The following FRMD4B variants were observed in gnomAD, a reference collection of about 807,000 sequenced individuals.
The protein encoded by FRMD4B is FERM domain-containing protein 4B.
Under a neutral mutation model 141.5 loss-of-function variants are expected in FRMD4B, and 74 were observed. The ratio of observed to expected loss-of-function variants is 0.52; its 90% CI spans 0.43 to 0.63. The LOEUF (loss-of-function observed/expected upper bound fraction) is 0.63, where lower values mean the gene tolerates loss of function less well. Ranked by LOEUF, FRMD4B falls within the 30% of genes least tolerant of loss-of-function variation. The probability of loss-of-function intolerance (pLI) is 0.00; values close to 1 mark genes in which losing one functional copy is unlikely to be tolerated. For synonymous variants in FRMD4B, 506 were observed against 467.9 expected, an observed-to-expected ratio of 1.08 and a Z score of -1.05; for missense variants, 1,366 against 1,253.4, an observed-to-expected ratio of 1.09 and a Z score of -1.36.
intron 1 of FRMD4B, among the ~76,000 whole-genome samples, chr3:69,355,900 C>T (rs1469704527): frequency 6.6e-6 from 1 of 152,140 alleles, no homozygotes. Context: ...TGGCCGGCAC[C>T]TGTATTCCCA....
At chr3:69,437,571 T>C (rs1295308199) in intron 1 of FRMD4B, among the ~76,000 whole-genome samples, 1 of 141,698 alleles carries the variant, frequency 7.1e-6, no homozygotes, top group East Asian at 2.1e-4. Flanking sequence ...TATGTACTAT[T>C]ATATATCAGT....
intron 1 of FRMD4B, among the ~76,000 whole-genome samples, chr3:69,541,544 C>T (rs980088118): frequency 2.0e-5 from 3 of 152,154 alleles, no homozygotes; most frequent in African/African-American, 4.8e-5. Flanking sequence ...AAGCACAGGA[C>T]ATCCAATGCA....
At chr3:69,399,487 A>G (rs1704524543) in intron 2 of FRMD4B, among the ~76,000 whole-genome samples, 1 of 152,216 alleles carries the variant, frequency 6.6e-6, no homozygotes, top group South Asian at 2.1e-4. Flanking sequence ...TGATGGTTAA[A>G]TTAGTAAACA....
At chr3:69,187,554 T>A (rs187193355) in intron 19 of FRMD4B, among the ~76,000 whole-genome samples, 1,461 of 145,790 alleles carry the variant, frequency 0.01, 39 homozygotes, top group African/African-American at 0.034. Context: ...AAAAAAAAAA[T>A]ATATATATAT....
intron 22 of FRMD4B, among the ~76,000 whole-genome samples, chr3:69,172,384 T>G (rs890363899): frequency 1.3e-5 from 2 of 152,220 alleles, no homozygotes; most frequent in African/African-American, 4.8e-5. Context: ...TAGTAGTCTT[T>G]TCCAACATTC....
chr3:69,345,833 C>T (rs1406776189), intron 1 of FRMD4B, among the ~76,000 whole-genome samples: 3 of 152,096 alleles, frequency 2.0e-5, no homozygotes, highest in East Asian at 1.9e-4. Flanking sequence ...CCCATCTGTA[C>T]GTCACCATCA....
chr3:69,316,968 A>C (rs1199932945), intron 1 of FRMD4B, among the ~76,000 whole-genome samples: 1 of 152,148 alleles, frequency 6.6e-6, no homozygotes, highest in Non-Finnish European at 1.5e-5. Context: ...CTAAAAGTAC[A>C]AAAAATTAGC....
chr3:69,380,119 T>A (rs1704075440), intron 1 of FRMD4B, among the ~76,000 whole-genome samples: 1 of 152,210 alleles, frequency 6.6e-6, no homozygotes, highest in Non-Finnish European at 1.5e-5. Flanking sequence ...CATTGGAGTC[T>A]TGGATATAGC....
chr3:69,485,479 G>T (rs1204683671), intron 1 of FRMD4B, among the ~76,000 whole-genome samples: 1 of 152,196 alleles, frequency 6.6e-6, no homozygotes. Context: ...GGAGAACAGC[G>T]TTCCTGCCTA....
rs1384713484 is a variant in FRMD4B, at chr3:69,539,851, G to T, written c.-129+2355C>A. 3.3e-5 allele frequency among the ~76,000 whole-genome samples: 5 copies of T among 152,112 alleles called. No homozygotes were observed. In the East Asian group the frequency reaches 9.6e-4, roughly 29 times the overall value. On this transcript the variant is annotated intron_variant, in intron 1 of 5. Coordinates refer to the FRMD4B transcript ENST00000459638. ...AGGTGTGTTCAAACAGTGTGTGTGT[G>T]TGTGTGTGCGTGTTACTTTTTATTA...
intron 2 of FRMD4B, among the ~76,000 whole-genome samples, chr3:69,426,942 C>T (rs1163925052): frequency 6.6e-6 from 1 of 152,066 alleles, no homozygotes; most frequent in African/African-American, 2.4e-5. Context: ...TTTGGCTCAG[C>T]CTCATAGATT....
intron 2 of FRMD4B, among the ~76,000 whole-genome samples, chr3:69,406,774 T>A (rs1704656867): frequency 6.6e-6 from 1 of 152,100 alleles, no homozygotes; most frequent in Non-Finnish European, 1.5e-5. Context: ...TCTCTGTGTC[T>A]CAGGCTGGAG....
chr3:69,408,606 AT>A (rs1408334442), intron 2 of FRMD4B, among the ~76,000 whole-genome samples: 1 of 152,146 alleles, frequency 6.6e-6, no homozygotes, highest in Non-Finnish European at 1.5e-5. Flanking sequence ...GGAAAATGAT[AT>A]CATAAAAAGG....
intron 8 of FRMD4B, 60 bp downstream of exon 8, chr3:69,224,547 G>C (rs1019660799): frequency 4.8e-5 from 37 of 773,894 alleles, no homozygotes; most frequent in South Asian, 4.8e-4. Flanking sequence ...GCCCTGAAAA[G>C]CATGTAGTTC....
intron 22 of FRMD4B, among the ~76,000 whole-genome samples, chr3:69,172,197 T>C (rs2107555929): frequency 6.6e-6 from 1 of 152,350 alleles, no homozygotes; most frequent in South Asian, 2.1e-4. Context: ...TTTAATTCTC[T>C]GGAAAGATAT....
chr3:69,299,475 T>C (rs1406211403), intron 4 of FRMD4B, among the ~76,000 whole-genome samples: 1 of 152,084 alleles, frequency 6.6e-6, no homozygotes, highest in Admixed American at 6.5e-5. Context: ...GGCTCAACAA[T>C]GCACCCCTCC....
At chr3:69,275,127 T>C (rs987297720) in intron 5 of FRMD4B, among the ~76,000 whole-genome samples, 16 of 149,190 alleles carry the variant, frequency 1.1e-4, no homozygotes, top group Admixed American at 8.6e-4. Context: ...GCACTTGATC[T>C]CAACCAAACA....
At chr3:69,531,396 CA>C (rs149536550) in intron 1 of FRMD4B, among the ~76,000 whole-genome samples, 3 of 149,104 alleles carry the variant, frequency 2.0e-5, no homozygotes, top group Non-Finnish European at 3.0e-5. Flanking sequence ...ATGTACCAAG[CA>C]AAAAAAAAGG....
At chr3:69,339,628 TA>T (rs973280755) in intron 1 of FRMD4B, among the ~76,000 whole-genome samples, 11 of 150,742 alleles carry the variant, frequency 7.3e-5, no homozygotes, top group African/African-American at 9.8e-5. Context: ...TAAAGTACAA[TA>T]AAAAAAATGA....
Sources: allele counts gnomAD v4.1 joint callset (sites outside exome capture counted in the v4.1 genomes callset), GRCh38; gene constraint gnomAD v4.1.1; transcripts MANE v1.5; gene names NCBI Gene and HGNC (gene_info 2026-07-23, HGNC 2026-07-21).